The following DAOA variants were observed in gnomAD, a reference collection of about 807,000 sequenced individuals.
DAOA encodes the protein D-amino acid oxidase activator.
DAOA carries 15 observed loss-of-function variants against 16.4 expected under a neutral mutation model. That is an observed-to-expected ratio of 0.91 (90% CI 0.61 to 1.41). DAOA has a LOEUF of 1.41. DAOA is among the 40% of genes most tolerant of loss of function. The pLI is 0.00. For missense variants in DAOA, 230 were observed against 176.8 expected (o/e 1.30, Z -1.71); for synonymous variants, 75 against 59.1 (o/e 1.27, Z -1.23).
At position 105,490,163 on chromosome 13, in the gene DAOA, C is replaced by G; in HGVS notation, c.*82C>G. ...CATCTTCACTGGACTCTGACGGACT[C>G]TGTGTCTGGGACCCAGCTGATAACA... is the stretch of plus-strand genomic sequence containing the variant. On this transcript the variant is annotated 3_prime_UTR_variant, in exon 5 of 6. Coordinates refer to ENST00000375936, the MANE Select transcript of DAOA (RefSeq NM_172370.5). 2.7e-6 allele frequency: 4 copies of G among 1,459,782 alleles called. No individual in the cohort carries two copies. The highest frequency in any genetic ancestry group is 3.6e-6 in the Non-Finnish European group (4 of 1,100,302). 90.4% of individuals were successfully genotyped at this position (1,459,782 alleles called of 1,614,324 possible). A position where few individuals can be genotyped will look rare whatever the true frequency, so the allele number is the denominator to read the frequency against.
At chr13:105,482,295 C>T (rs937677009) in intron 4 of DAOA, among the ~76,000 whole-genome samples, 1 of 152,120 alleles carries the variant, frequency 6.6e-6, no homozygotes, top group African/African-American at 2.4e-5. Flanking sequence ...CCTTATTTAA[C>T]TAAATTCCTT....
In DAOA at chr13:105,490,128, G is replaced by T. The variant is rs1878416523; in HGVS notation, c.*47G>T. The stretch of plus-strand genomic sequence containing the variant: ...AGCCAATCCTTCTGATGACAATGTA[G>T]TCTGGCCAACATCTTCACTGGACTC... On this transcript the variant is annotated 3_prime_UTR_variant, in exon 5 of 6. Coordinates refer to ENST00000375936, the MANE Select transcript of DAOA (RefSeq NM_172370.5). 1.3e-6 allele frequency: 2 copies of T among 1,520,656 alleles called. No individual in the cohort carries two copies. The highest frequency in any genetic ancestry group is 1.4e-5 in the African/African-American group (1 of 72,164). The allele number at this position is 1,520,656 out of a possible 1,614,324, so 94.2% of individuals were successfully genotyped here.
intron 4 of DAOA, among the ~76,000 whole-genome samples, chr13:105,475,983 T>C (rs569519134): frequency 2.8e-4 from 42 of 152,082 alleles, no homozygotes; most frequent in Non-Finnish European, 4.7e-4. Flanking sequence ...TGCACACACA[T>C]ATATATATAC....
intron 3 of DAOA, among the ~76,000 whole-genome samples, chr13:105,471,572 T>C (rs770820413): frequency 3.9e-5 from 6 of 152,222 alleles, no homozygotes; most frequent in Non-Finnish European, 7.3e-5. Flanking sequence ...TAGGTTATGT[T>C]AACATGATAA....
At chr13:105,470,965 T>G (rs58995026) in intron 3 of DAOA, among the ~76,000 whole-genome samples, 1 of 152,050 alleles carries the variant, frequency 6.6e-6, no homozygotes, top group Non-Finnish European at 1.5e-5. Flanking sequence ...TAATTTTTTG[T>G]TTTTAGTACA....
chr13:105,472,414 C>A (rs978173077), intron 3 of DAOA, 124 bp from the exon 4 acceptor site: 2 of 1,348,136 alleles, frequency 1.5e-6, no homozygotes, highest in Middle Eastern at 2.3e-4. Flanking sequence ...TAACCAAAAA[C>A]CTCTGAAAAA....
chr13:105,469,756 T>C (rs925203010), intron 3 of DAOA, among the ~76,000 whole-genome samples: 4 of 152,112 alleles, frequency 2.6e-5, no homozygotes, highest in African/African-American at 7.2e-5. Context: ...AAAAAGAAAA[T>C]GGTATCAAGC....
At chr13:105,468,950 A>C (rs1312995384) in intron 3 of DAOA, among the ~76,000 whole-genome samples, 3 of 152,240 alleles carry the variant, frequency 2.0e-5, no homozygotes, top group African/African-American at 7.2e-5. Flanking sequence ...AGACATGAAC[A>C]TGAAATGTGG....
rs1878473731 is a variant in DAOA, at chr13:105,490,907, T to C, written c.*112-5T>C. Reference sequence around the variant, plus strand: ...CTTATTATTGTTTTGTTTCCTTGTTTTTAGGTGATGGGATTGTATTTGCAA... The same window carrying C: ...CTTATTATTGTTTTGTTTCCTTGTTCTTAGGTGATGGGATTGTATTTGCAA... On this transcript the variant is annotated splice_region_variant and splice_polypyrimidine_tract_variant and intron_variant, in intron 5 of 5. Transcript: ENST00000375936. 1 of 152,142 alleles carries C rather than the reference T, an allele frequency of 6.6e-6. No homozygotes were observed. Among genetic ancestry groups the C allele is most frequent in the Non-Finnish European group, 1.5e-5 (1 of 68,006 alleles). The allele number at this position is 152,142 out of a possible 1,614,324, so 9.4% of individuals were successfully genotyped here. A position where few individuals can be genotyped will look rare whatever the true frequency, so the allele number is the denominator to read the frequency against.
intron 3 of DAOA, among the ~76,000 whole-genome samples, chr13:105,467,451 G>A (rs774882252): frequency 2.8e-4 from 43 of 152,162 alleles, no homozygotes; most frequent in Non-Finnish European, 4.7e-4. Context: ...TTTTTGTGAA[G>A]TGGGAATTTA....
intron 5 of DAOA, 66 bp downstream of exon 5, chr13:105,490,258 AT>A: frequency 1.2e-6 from 1 of 808,196 alleles, no homozygotes; most frequent in Non-Finnish European, 1.6e-6. Flanking sequence ...TATGAATTAT[AT>A]TTTTATGAAG....
intron 4 of DAOA, among the ~76,000 whole-genome samples, chr13:105,473,737 T>C (rs1468475712): frequency 6.6e-6 from 1 of 152,118 alleles, no homozygotes; most frequent in Non-Finnish European, 1.5e-5. Flanking sequence ...GTCTATAAAG[T>C]AGTAGAGGCT....
chr13:105,475,056 G>T, intron 4 of DAOA: 1 of 985,596 alleles, frequency 1.0e-6, no homozygotes, highest in Non-Finnish European at 1.2e-6. Context: ...GCACTTTATG[G>T]AAGGAGACAC....
In DAOA at chr13:105,477,375, T is replaced by A. The variant is rs939122917; in HGVS notation, c.281+4690T>A. Among the ~76,000 whole-genome samples, 3 of 152,202 alleles carry A rather than the reference T, an allele frequency of 2.0e-5. No homozygotes were observed. The East Asian group carries it at 5.8e-4, about 29-fold the overall frequency. On this transcript the variant is annotated intron_variant, in intron 4 of 5. Coordinates refer to ENST00000375936, the MANE Select transcript of DAOA (RefSeq NM_172370.5). ...ACTTCTGGGTTACATACCTAAAACA[T>A]ATTGGTTATAAAAATAATCCTACAC... is the stretch of plus-strand genomic sequence containing the variant.
Position 105,472,567 on chromosome 13 carries a change from G to A in DAOA, c.163G>A (p.Val55Ile). Residue 55 changes from valine to isoleucine, a missense_variant, in exon 4 of 6, where the codon GTA becomes ATA. Coordinates refer to ENST00000375936, the MANE Select transcript of DAOA (RefSeq NM_172370.5). Reference sequence around the variant, plus strand: ...GGAGACAGAAGAAGGAAGAGAGACGGTAACAAGGAAAGAAGGATGGAAGAG... The same window carrying A: ...GGAGACAGAAGAAGGAAGAGAGACGATAACAAGGAAAGAAGGATGGAAGAG... ...AKETEEGRET[V>I]TRKEGWKRRH... 1 of 1,613,984 alleles carries A rather than the reference G, an allele frequency of 6.2e-7. No homozygotes were observed. Among genetic ancestry groups the A allele is most frequent in the Non-Finnish European group, 8.5e-7 (1 of 1,179,906 alleles).
intron 3 of DAOA, among the ~76,000 whole-genome samples, chr13:105,470,236 T>C (rs1280067887): frequency 6.6e-6 from 1 of 152,068 alleles, no homozygotes; most frequent in East Asian, 1.9e-4. Flanking sequence ...TTCTAATATA[T>C]AGCAGCTATC....
At chr13:105,468,270 T>G (rs1876678406) in intron 3 of DAOA, among the ~76,000 whole-genome samples, 1 of 152,210 alleles carries the variant, frequency 6.6e-6, no homozygotes, top group Non-Finnish European at 1.5e-5. Context: ...TCCACAGGTT[T>G]TCAGGATTAA....
intron 4 of DAOA, among the ~76,000 whole-genome samples, chr13:105,474,620 T>C (rs7995902): frequency 0.98 from 149,307 of 152,196 alleles, 73,285 homozygotes; most frequent in East Asian, 1. Flanking sequence ...AGCCAGCAAA[T>C]GTGCATCTAA....
intron 4 of DAOA, among the ~76,000 whole-genome samples, chr13:105,483,021 C>T (rs1411560414): frequency 6.6e-6 from 1 of 152,072 alleles, no homozygotes; most frequent in Non-Finnish European, 1.5e-5. Flanking sequence ...CTTTTAATCT[C>T]TCCTCTTTTC....
Sources: allele counts gnomAD v4.1 joint callset (sites outside exome capture counted in the v4.1 genomes callset), GRCh38; gene constraint gnomAD v4.1.1; transcripts MANE v1.5; gene names NCBI Gene and HGNC (gene_info 2026-07-23, HGNC 2026-07-21).